Variants in ZNF676 observed in about 807,000 individuals in gnomAD.
The protein encoded by ZNF676 is zinc finger protein 676.
In ZNF676, 4 loss-of-function variants were observed where a neutral mutation model predicts 6.0. The observed-to-expected ratio is 0.67, with a 90% CI of 0.33 to 1.53. The LOEUF (loss-of-function observed/expected upper bound fraction) is 1.53. Among genes scored for constraint, ZNF676 ranks in the 40% most tolerant of loss-of-function variants. The pLI is 0.06. For synonymous variants in ZNF676, 198 were observed against 223.1 expected (o/e 0.89, Z 1.00); for missense variants, 644 against 679.7 (o/e 0.95, Z 0.58).
At chr19:22,238,672 G>GT in the ZNF676 span, among the ~76,000 whole-genome samples, 6 of 152,152 alleles carry the variant, frequency 3.9e-5, no homozygotes, top group Non-Finnish European at 5.9e-5. Flanking sequence ...ATACATATAT[G>GT]TTAATTAAGT....
At chr19:22,239,321 AC>A in the ZNF676 span, among the ~76,000 whole-genome samples, 9 of 149,850 alleles carry the variant, frequency 6.0e-5, no homozygotes, top group Non-Finnish European at 1.2e-4. Context: ...GACTACAGGC[AC>A]CCGCCACCAT....
At chr19:22,252,538 C>T in the ZNF676 span, among the ~76,000 whole-genome samples, 34,865 of 151,898 alleles carry the variant, frequency 0.23, 4,226 homozygotes, top group South Asian at 0.37. Flanking sequence ...TTTACATAAC[C>T]TAGATGCTGG....
At chr19:22,248,772 A>G in the ZNF676 span, among the ~76,000 whole-genome samples, 1 of 151,880 alleles carries the variant, frequency 6.6e-6, no homozygotes, top group Non-Finnish European at 1.5e-5. Flanking sequence ...TGTTGTTGTC[A>G]GGGCTGGAGT....
chr19:22,180,903 T>G lies in ZNF676; in HGVS notation c.814A>C (p.Lys272Gln), dbSNP rs757528289. The change falls in exon 3 of 3, where the codon AAG becomes CAG. Residue 272 changes from lysine (K) to glutamine (Q), a missense_variant. Transcript: ENST00000397121. The part of the protein sequence containing the change: ...FSSVSTLNTH[K>Q]AIHAEEKPYK... ...GGCTTCTCTTCAGCATGAATTGCCT[T>G]ATGTGTATTAAGGGTTGAGACGCTA... 1.1e-5 allele frequency: 15 copies of G among 1,425,584 alleles called. No individual in the cohort carries two copies. The highest frequency in any genetic ancestry group is 3.5e-4 in the Middle Eastern group (2 of 5,684). 88.3% of individuals were successfully genotyped at this position (1,425,584 alleles called of 1,614,324 possible). A position where few individuals can be genotyped will look rare whatever the true frequency, so the allele number is the denominator to read the frequency against.
At chr19:22,235,209 T>G in the ZNF676 span, among the ~76,000 whole-genome samples, 1 of 152,092 alleles carries the variant, frequency 6.6e-6, no homozygotes, top group Admixed American at 6.5e-5. Flanking sequence ...TGAGAAGGCT[T>G]GCCAAAGGCT....
chr19:22,243,130 G>A, the ZNF676 span: 2 of 151,860 alleles, frequency 1.3e-5, no homozygotes, highest in Non-Finnish European at 2.9e-5. Flanking sequence ...AATCTCTTTT[G>A]TGGGAAAAGA....
chr19:22,185,004 C>T (rs1002856227), intron 2 of ZNF676, among the ~76,000 whole-genome samples: 1 of 152,098 alleles, frequency 6.6e-6, no homozygotes, highest in African/African-American at 2.4e-5. Flanking sequence ...ACCAGCACAG[C>T]GTTCAAGCGC....
At chr19:22,224,191 A>G in the ZNF676 span, among the ~76,000 whole-genome samples, 1 of 148,344 alleles carries the variant, frequency 6.7e-6, no homozygotes, top group Admixed American at 6.9e-5. Context: ...GTTGCATACT[A>G]GATCTGATGA....
upstream of ZNF676, among the ~76,000 whole-genome samples, chr19:22,198,037 C>T (rs999782792): frequency 1.3e-5 from 2 of 152,156 alleles, no homozygotes; most frequent in Non-Finnish European, 2.9e-5. Context: ...GAGCAGGTAT[C>T]TCCTAACAAT....
chr19:22,249,356 T>A, the ZNF676 span, among the ~76,000 whole-genome samples: 1 of 152,170 alleles, frequency 6.6e-6, no homozygotes, highest in Non-Finnish European at 1.5e-5. Flanking sequence ...GTAAAAAAAA[T>A]TCTGTGTGTG....
chr19:22,253,233 G>A, the ZNF676 span, among the ~76,000 whole-genome samples: 1 of 151,204 alleles, frequency 6.6e-6, no homozygotes, highest in Non-Finnish European at 1.5e-5. Context: ...TGTTCATGTG[G>A]AAGAATGACA....
the ZNF676 span, among the ~76,000 whole-genome samples, chr19:22,231,002 CA>C: frequency 6.6e-6 from 1 of 150,868 alleles, no homozygotes; most frequent in Non-Finnish European, 1.5e-5. Flanking sequence ...TATTCACATA[CA>C]AAAAAATGAA....
chr19:22,214,971 G>A (rs969912063), intron 1 of ZNF676, among the ~76,000 whole-genome samples: 23 of 150,582 alleles, frequency 1.5e-4, no homozygotes, highest in Non-Finnish European at 2.8e-4. Flanking sequence ...AACCCGGGAG[G>A]CGGAGCTTCC....
chr19:22,241,783 C>T, the ZNF676 span, among the ~76,000 whole-genome samples: 2 of 151,778 alleles, frequency 1.3e-5, no homozygotes, highest in Non-Finnish European at 2.9e-5. Flanking sequence ...TCCTCAATTG[C>T]CCATGAGATG....
At position 22,206,799 on chromosome 19, in the gene ZNF676, A is replaced by C. The variant is rs1410242785; in HGVS notation, c.3+8833T>G. ...ATTCAAGGTTTGTTCAACATACACG[A>C]ATCAATAAATGTGATTCATCACATA... On this transcript the variant is annotated intron_variant, in intron 1 of 3. Coordinates refer to the ZNF676 transcript ENST00000650058. Among the ~76,000 whole-genome samples, 3 of 152,220 alleles carry C rather than the reference A, an allele frequency of 2.0e-5. No homozygotes were observed. The East Asian group carries it at 5.8e-4, about 29-fold the overall frequency.
At chr19:22,208,014 A>G (rs190224390) in intron 1 of ZNF676, among the ~76,000 whole-genome samples, 70 of 151,500 alleles carry the variant, frequency 4.6e-4, no homozygotes, top group South Asian at 1.0e-3. Flanking sequence ...ACCCTGGAAG[A>G]TAAGAAGTGC....
chr19:22,196,508 G>C lies in ZNF676; in HGVS notation c.34+92C>G, dbSNP rs184254517. The C allele has an allele frequency of 1.5e-5, 24 of 1,600,076 alleles. No individual in the cohort carries two copies. In the South Asian group the frequency reaches 2.6e-4, roughly 17 times the overall value. ...CTCTTTTGTCTTTGTCTGTATTCTC[G>C]CATTCATCCTCCTTTGTTCAGTCCA... On this transcript the variant is annotated intron_variant, in intron 1 of 2. Coordinates refer to ENST00000397121, the MANE Select transcript of ZNF676 (RefSeq NM_001001411.3).
chr19:22,256,767 G>T, the ZNF676 span, among the ~76,000 whole-genome samples: 3 of 152,062 alleles, frequency 2.0e-5, no homozygotes, highest in African/African-American at 7.2e-5. Flanking sequence ...TATTGGCAGG[G>T]CCCAGGCAGA....
At chr19:22,185,372 A>T (rs1292093308) in intron 2 of ZNF676, among the ~76,000 whole-genome samples, 1 of 152,186 alleles carries the variant, frequency 6.6e-6, no homozygotes, top group East Asian at 1.9e-4. Context: ...GGTCATCAAC[A>T]TCAAAGACCA....
Sources: gnomAD v4.1 joint callset for allele counts (sites outside exome capture counted in the v4.1 genomes callset) on GRCh38, gnomAD v4.1.1 for gene constraint, MANE v1.5 for transcripts, NCBI Gene and HGNC (gene_info 2026-07-23, HGNC 2026-07-21) for gene names.